TTC39B: variants seen among roughly 807,000 people sequenced by gnomAD.
The protein encoded by TTC39B is tetratricopeptide repeat domain 39B.
In TTC39B, 92 loss-of-function variants were observed where a neutral mutation model predicts 96.6. The observed-to-expected ratio is 0.95, with a 90% CI of 0.80 to 1.13. TTC39B has a LOEUF of 1.13. TTC39B is among the 50% of genes most tolerant of loss of function. TTC39B has a pLI of 0.00. For missense variants in TTC39B, 955 were observed against 809.3 expected (o/e 1.18, Z -2.18); for synonymous variants, 367 against 299.4 (o/e 1.23, Z -2.33).
At chr9:15,187,588 T>C (rs914053060) in intron 14 of TTC39B, among the ~76,000 whole-genome samples, 1 of 152,176 alleles carries the variant, frequency 6.6e-6, no homozygotes, top group African/African-American at 2.4e-5. Context: ...GCCTCCCACG[T>C]AGAAGGGACT....
chr9:15,194,511 C>G (rs984058688), intron 8 of TTC39B, among the ~76,000 whole-genome samples: 1 of 152,150 alleles, frequency 6.6e-6, no homozygotes, highest in Non-Finnish European at 1.5e-5. Flanking sequence ...TCAAAAAACC[C>G]TGTGGTTCAT....
intron 4 of TTC39B, among the ~76,000 whole-genome samples, 170 bp from the exon 5 acceptor site, chr9:15,211,567 G>T (rs1214751510): frequency 6.6e-6 from 1 of 152,098 alleles, no homozygotes; most frequent in African/African-American, 2.4e-5. Context: ...AAGTACCAAG[G>T]ACTTTCCAAT....
At chr9:15,279,738 A>G (rs1823683119) in intron 1 of TTC39B, among the ~76,000 whole-genome samples, 2 of 152,136 alleles carry the variant, frequency 1.3e-5, no homozygotes, top group African/African-American at 4.8e-5. Flanking sequence ...AATGCTTGGC[A>G]CTAAGAATCC....
At chr9:15,268,300 T>C (rs1413773549) in intron 1 of TTC39B, among the ~76,000 whole-genome samples, 1 of 152,190 alleles carries the variant, frequency 6.6e-6, no homozygotes, top group Non-Finnish European at 1.5e-5. Flanking sequence ...TTGCCCGATG[T>C]AGTCTTTTCT....
intron 8 of TTC39B, among the ~76,000 whole-genome samples, chr9:15,195,104 A>G (rs764785422): frequency 1.3e-5 from 2 of 152,252 alleles, no homozygotes; most frequent in Non-Finnish European, 2.9e-5. Context: ...TAAGTGCAAA[A>G]GAAAAGTTCT....
chr9:15,240,749 AC>A (rs1479009264), intron 2 of TTC39B, among the ~76,000 whole-genome samples: 1 of 152,050 alleles, frequency 6.6e-6, no homozygotes, highest in East Asian at 1.9e-4. Context: ...ATACATCACT[AC>A]TCAATGTGTT....
chr9:15,175,930 C>T (rs1337925656), intron 18 of TTC39B, among the ~76,000 whole-genome samples: 1 of 152,222 alleles, frequency 6.6e-6, no homozygotes, highest in South Asian at 2.1e-4. Context: ...AACAAACCCA[C>T]TCACTGGCAA....
intron 17 of TTC39B, 137 bp from the exon 18 acceptor site, chr9:15,177,951 G>A (rs1400061915): frequency 8.4e-6 from 4 of 478,314 alleles, no homozygotes. Context: ...CTCACTGCAA[G>A]CTCCGTCTCC....
intron 1 of TTC39B, among the ~76,000 whole-genome samples, chr9:15,270,484 G>A (rs16932885): frequency 0.026 from 3,978 of 151,998 alleles, 172 homozygotes; most frequent in African/African-American, 0.091. Context: ...ACAAACCTCA[G>A]CATGGACACT....
At chr9:15,239,822 C>T (rs777701163) in intron 2 of TTC39B, among the ~76,000 whole-genome samples, 6 of 152,122 alleles carry the variant, frequency 3.9e-5, no homozygotes, top group African/African-American at 7.2e-5. Context: ...TCAATATTTG[C>T]GTGATGAGTA....
At chr9:15,222,889 T>C (rs950242085) in intron 3 of TTC39B, among the ~76,000 whole-genome samples, 2 of 152,200 alleles carry the variant, frequency 1.3e-5, no homozygotes, top group South Asian at 2.1e-4. Context: ...GAAAAATACA[T>C]ATTTGATGAG....
At chr9:15,180,381 T>C (rs959982289) in intron 17 of TTC39B, among the ~76,000 whole-genome samples, 16 of 152,234 alleles carry the variant, frequency 1.1e-4, no homozygotes, top group African/African-American at 3.9e-4. Context: ...TTTAGTTAGA[T>C]TTCAAATGAA....
intron 3 of TTC39B, among the ~76,000 whole-genome samples, chr9:15,216,508 C>A (rs1313395191): frequency 6.6e-6 from 1 of 152,162 alleles, no homozygotes; most frequent in African/African-American, 2.4e-5. Context: ...AGTTCATAAA[C>A]CTCTCACGGC....
intron 2 of TTC39B, among the ~76,000 whole-genome samples, chr9:15,240,237 G>C (rs1435213259): frequency 6.6e-6 from 1 of 151,810 alleles, no homozygotes; most frequent in Admixed American, 6.6e-5. Context: ...CAGAATCAAA[G>C]GAATATACTT....
intron 1 of TTC39B, among the ~76,000 whole-genome samples, chr9:15,285,726 G>T (rs1823948306): frequency 6.6e-6 from 1 of 152,048 alleles, no homozygotes; most frequent in Non-Finnish European, 1.5e-5. Context: ...TTGGTGGCGG[G>T]CGCCTGTAGT....
rs563113014 is a variant in TTC39B at position 15,207,785 on chromosome 9, A to AC, written c.691+2302dup. ...CGGATCACAAGGTCAGGAGATTGAG[A>AC]CATCCTGGCTAACGTGGTGAAACCC... is the stretch of plus-strand genomic sequence containing the variant. On this transcript the variant is annotated intron_variant, in intron 6 of 19. Coordinates refer to ENST00000512701, the Ensembl canonical transcript of TTC39B. 5.2e-3 allele frequency among the ~76,000 whole-genome samples: 791 copies of AC among 151,716 alleles called. 8 individuals carry two copies. Among genetic ancestry groups the AC allele is most frequent in the African/African-American group, 0.018 (725 of 41,352 alleles).
chr9:15,288,852 C>A (rs554181050), intron 1 of TTC39B, among the ~76,000 whole-genome samples: 36 of 152,358 alleles, frequency 2.4e-4, no homozygotes, highest in Admixed American at 2.1e-3. Flanking sequence ...TGTGCTCCCC[C>A]ACCCATAAGG....
At chr9:15,252,545 G>A (rs1282070562) in intron 2 of TTC39B, among the ~76,000 whole-genome samples, 1 of 152,154 alleles carries the variant, frequency 6.6e-6, no homozygotes, top group Non-Finnish European at 1.5e-5. Context: ...CTACTTGGGA[G>A]GCTGAGGCAG....
At chr9:15,207,781 T>G (rs938024038) in intron 6 of TTC39B, among the ~76,000 whole-genome samples, 1 of 151,234 alleles carries the variant, frequency 6.6e-6, no homozygotes, top group Admixed American at 6.6e-5. Context: ...GTCAGGAGAT[T>G]GAGACATCCT....
Sources: allele counts gnomAD v4.1 joint callset (sites outside exome capture counted in the v4.1 genomes callset), GRCh38; gene constraint gnomAD v4.1.1; transcripts MANE v1.5; gene names NCBI Gene and HGNC (gene_info 2026-07-23, HGNC 2026-07-21).